The following STRAP variants were observed in gnomAD, a reference collection of about 807,000 sequenced individuals.
STRAP encodes serine-threonine kinase receptor-associated protein.
Under a neutral mutation model 47.0 loss-of-function variants are expected in STRAP, and 16 were observed. The ratio of observed to expected loss-of-function variants is 0.34; its 90% CI spans 0.23 to 0.52. The LOEUF (loss-of-function observed/expected upper bound fraction) is 0.52, where lower values mean the gene tolerates loss of function less well. Among genes scored for constraint, STRAP ranks in the 20% least tolerant of loss-of-function variants. STRAP has a pLI of 0.96. For missense variants in STRAP, 293 were observed against 420.0 expected (o/e 0.70, Z 2.64); for synonymous variants, 130 against 142.7 (o/e 0.91, Z 0.63).
chr12:15,883,058 T>C, intron 1 of STRAP: 7 of 1,535,574 alleles, frequency 4.6e-6, no homozygotes, highest in Non-Finnish European at 6.1e-6. Flanking sequence ...CTCTCCTTAT[T>C]TTATTTTTAT....
intron 1 of STRAP, chr12:15,883,138 G>T: frequency 4.6e-6 from 7 of 1,535,644 alleles, no homozygotes; most frequent in Non-Finnish European, 6.1e-6. Flanking sequence ...AGCTTTCAAG[G>T]ATTTGGGGAA....
At chr12:15,891,861 G>A (rs1167981073) in intron 4 of STRAP, among the ~76,000 whole-genome samples, 3 of 151,906 alleles carry the variant, frequency 2.0e-5, no homozygotes. Context: ...CAGGAGAATC[G>A]CTTGAACCCG....
Position 15,896,125 on chromosome 12 carries a change from T to C in STRAP, c.638+629T>C, listed in dbSNP as rs934660896. ...GGTGAGTACCTGTAATCCCAGCTAC[T>C]TGGGAGGCTGAGGCAGGAGAATTGC... On this transcript the variant is annotated intron_variant, in intron 6 of 9. Transcript: ENST00000419869. This position sits in a 1 kb window ranked among gnomAD's most constrained non-coding sequence, Gnocchi z 4.1. Among the ~76,000 whole-genome samples, 1 of 152,024 alleles carries C rather than the reference T, an allele frequency of 6.6e-6. No individual in the cohort carries two copies.
At chr12:15,893,154 TCTC>T (rs554031969) in intron 4 of STRAP, among the ~76,000 whole-genome samples, 60 of 152,246 alleles carry the variant, frequency 3.9e-4, no homozygotes, top group African/African-American at 1.3e-3. Context: ...GAAAGGATAA[TCTC>T]CTACAGATTT....
In STRAP at chr12:15,882,528, G is replaced by A. The variant is rs559723359; in HGVS notation, c.-180G>A. The A allele has an allele frequency of 3.5e-6, 2 of 579,522 alleles. No homozygotes were observed. The highest frequency in any genetic ancestry group is 6.2e-6 in the Non-Finnish European group (2 of 323,950). 35.9% of individuals were successfully genotyped at this position (579,522 alleles called of 1,614,324 possible). A position where few individuals can be genotyped will look rare whatever the true frequency, so the allele number is the denominator to read the frequency against. On this transcript the variant is annotated 5_prime_UTR_variant, in exon 1 of 10. Coordinates refer to ENST00000419869, the MANE Select transcript of STRAP (RefSeq NM_007178.4). ...GTTGCTTGCTGGTCGCAGACTCCCT[G>A]ACCCCTCCCTCACCCCTCCCTAACC...
chr12:15,894,437 C>T lies in STRAP; in HGVS notation c.500+294C>T, dbSNP rs1027738655. Among the ~76,000 whole-genome samples the T allele has an allele frequency of 6.6e-6, 1 of 152,106 alleles. No homozygotes were observed. On this transcript the variant is annotated intron_variant, in intron 5 of 9. Coordinates refer to ENST00000419869, the MANE Select transcript of STRAP (RefSeq NM_007178.4). The surrounding 1 kb of genome is among the most constrained non-coding windows in gnomAD (Gnocchi z 4.9). ...TCGTGCCATTGCACTCTAGCCTGGG[C>T]GACAGAGCTAGACTGTCTCAAAAGA...
Position 15,900,072 on chromosome 12 carries a change from A to G in STRAP, c.925+19A>G, listed in dbSNP as rs769503512. ...CTTCCTGGTAAGAATTTTTATTCAG[A>G]ATAATAAAATTTTTAAAATGCATGA... On this transcript the variant is annotated intron_variant, in intron 8 of 9. Coordinates refer to ENST00000419869, the MANE Select transcript of STRAP (RefSeq NM_007178.4). 6.3e-7 allele frequency: 1 copy of G among 1,590,388 alleles called. No homozygotes were observed. Among genetic ancestry groups the G allele is most frequent in the South Asian group, 1.2e-5 (1 of 85,490 alleles).
At position 15,894,768 on chromosome 12, in the gene STRAP, T is replaced by C. The variant is rs965986494; in HGVS notation, c.501-591T>C. Among the ~76,000 whole-genome samples, 4 of 152,210 alleles carry C rather than the reference T, an allele frequency of 2.6e-5. No homozygotes were observed. Among genetic ancestry groups the C allele is most frequent in the African/African-American group, 9.6e-5 (4 of 41,462 alleles). On this transcript the variant is annotated intron_variant, in intron 5 of 9. Coordinates refer to ENST00000419869, the MANE Select transcript of STRAP (RefSeq NM_007178.4). The surrounding 1 kb of genome is among the most constrained non-coding windows in gnomAD (Gnocchi z 4.9). ...AGTTGGTAAGTGTCTAATGCAAATA[T>C]TCCAAAATCCGAAAAAGTTTGAAAT...
chr12:15,902,026 G>C (rs1948108213), intron 9 of STRAP, among the ~76,000 whole-genome samples: 1 of 152,072 alleles, frequency 6.6e-6, no homozygotes, highest in African/African-American at 2.4e-5. Flanking sequence ...GCCCAGGCTG[G>C]AGTGCAGTGG....
chr12:15,891,431 C>G (rs1265848680), intron 4 of STRAP, among the ~76,000 whole-genome samples: 1 of 152,128 alleles, frequency 6.6e-6, no homozygotes, highest in African/African-American at 2.4e-5. Flanking sequence ...ACTAAATAGT[C>G]TATGAACTGT....
At position 15,882,419 on chromosome 12, in the gene STRAP, G is replaced by T. The variant is rs1041787656; in HGVS notation, c.-289G>T. Reference sequence around the variant, plus strand: ...ACTTCCTGCCGATGCCGGTGTGGACGCTGTGAATCGTGGCTGGCCCGGTTC... The same window carrying T: ...ACTTCCTGCCGATGCCGGTGTGGACTCTGTGAATCGTGGCTGGCCCGGTTC... On this transcript the variant is annotated 5_prime_UTR_variant, in exon 1 of 10. Transcript: ENST00000419869. 1.9e-5 allele frequency: 9 copies of T among 483,784 alleles called. No individual in the cohort carries two copies. The highest frequency in any genetic ancestry group is 3.6e-5 in the Admixed American group (1 of 27,910). The allele number at this position is 483,784 out of a possible 1,614,324, so 30.0% of individuals were successfully genotyped here.
At position 15,890,459 on chromosome 12, in the gene STRAP, T is replaced by C; in HGVS notation, c.331-138T>C. 1 of 727,610 alleles carries C rather than the reference T, an allele frequency of 1.4e-6. No homozygotes were observed. The highest frequency in any genetic ancestry group is 2.4e-6 in the Non-Finnish European group (1 of 422,928). The allele number at this position is 727,610 out of a possible 1,614,324, so 45.1% of individuals were successfully genotyped here. On this transcript the variant is annotated intron_variant, in intron 3 of 9. Transcript: ENST00000419869. The surrounding 1 kb of genome is among the most constrained non-coding windows in gnomAD (Gnocchi z 4.5). ...AGGTCAGCTGTTCCACAGTATCTTC[T>C]CAGAAGTAATTGGTTATGTCTTGGC...
intron 2 of STRAP, 139 bp downstream of exon 2, chr12:15,883,815 T>C (rs1453293771): frequency 8.3e-7 from 1 of 1,204,986 alleles, no homozygotes; most frequent in Non-Finnish European, 1.1e-6. Flanking sequence ...CCCACCAAAA[T>C]TCCATCGTGG....
At chr12:15,886,538 C>T (rs917499958) in intron 2 of STRAP, among the ~76,000 whole-genome samples, 1 of 152,022 alleles carries the variant, frequency 6.6e-6, no homozygotes, top group Non-Finnish European at 1.5e-5. Context: ...ACCATATATC[C>T]CTGAAGTCCA....
In STRAP at chr12:15,902,995, C is replaced by T; in HGVS notation, c.*17C>T. 7.8e-7 allele frequency: 1 copy of T among 1,283,160 alleles called. No homozygotes were observed. Among genetic ancestry groups the T allele is most frequent in the East Asian group, 3.1e-5 (1 of 31,982 alleles). The allele number at this position is 1,283,160 out of a possible 1,614,324, so 79.5% of individuals were successfully genotyped here. ...AAGGCCTGAGCGTCAATCATATGTG[C>T]AGTTAGTATACAACTGACTAAAACA... is the stretch of plus-strand genomic sequence containing the variant. On this transcript the variant is annotated 3_prime_UTR_variant, in exon 10 of 10. Coordinates refer to ENST00000419869, the MANE Select transcript of STRAP (RefSeq NM_007178.4).
Position 15,894,626 on chromosome 12 carries a change from C to T in STRAP, c.500+483C>T, listed in dbSNP as rs146005863. Among the ~76,000 whole-genome samples the T allele has an allele frequency of 1.0e-3, 153 of 152,246 alleles. No individual in the cohort carries two copies. Among genetic ancestry groups the T allele is most frequent in the African/African-American group, 3.7e-3 (153 of 41,548 alleles). Reference sequence around the variant, plus strand: ...CTAATACAGGTTGAGTATCCCTAACCTGAAAATCTGAAATTTGAAACGCTC... The same window carrying T: ...CTAATACAGGTTGAGTATCCCTAACTTGAAAATCTGAAATTTGAAACGCTC... On this transcript the variant is annotated intron_variant, in intron 5 of 9. Coordinates refer to ENST00000419869, the MANE Select transcript of STRAP (RefSeq NM_007178.4). This position sits in a 1 kb window ranked among gnomAD's most constrained non-coding sequence, Gnocchi z 4.9.
At chr12:15,891,932 CCTT>C (rs767038312) in intron 4 of STRAP, among the ~76,000 whole-genome samples, 2 of 150,098 alleles carry the variant, frequency 1.3e-5, no homozygotes, top group Non-Finnish European at 2.9e-5. Context: ...GAGCAAAACT[CCTT>C]CTCAAAAAGA....
chr12:15,887,894 A>G lies in STRAP; in HGVS notation c.249-2034A>G, dbSNP rs4424719. Among the ~76,000 whole-genome samples, 103,432 of 152,082 alleles carry G rather than the reference A, an allele frequency of 0.68. 39,438 individuals carry two copies. Among genetic ancestry groups the G allele is most frequent in the South Asian group, 0.87 (4,185 of 4,820 alleles). On this transcript the variant is annotated intron_variant, in intron 2 of 9. Transcript: ENST00000419869. This position sits in a 1 kb window ranked among gnomAD's most constrained non-coding sequence, Gnocchi z 5.5. ...ATTATTTAATAAACTTGAAATTAGCATATCAAAGGACATTGCCCGGGTTTC... is the reference window on the plus strand; with the variant it reads ...ATTATTTAATAAACTTGAAATTAGCGTATCAAAGGACATTGCCCGGGTTTC...
rs1010094181 is a variant in STRAP, at chr12:15,882,418, C to G, written c.-290C>G. Reference sequence around the variant, plus strand: ...CACTTCCTGCCGATGCCGGTGTGGACGCTGTGAATCGTGGCTGGCCCGGTT... The same window carrying G: ...CACTTCCTGCCGATGCCGGTGTGGAGGCTGTGAATCGTGGCTGGCCCGGTT... On this transcript the variant is annotated 5_prime_UTR_variant, in exon 1 of 10. Transcript: ENST00000419869. The G allele has an allele frequency of 4.1e-6, 2 of 483,832 alleles. No homozygotes were observed. Among genetic ancestry groups the G allele is most frequent in the South Asian group, 5.1e-5 (2 of 39,256 alleles). 30.0% of individuals were successfully genotyped at this position (483,832 alleles called of 1,614,324 possible). A position where few individuals can be genotyped will look rare whatever the true frequency, so the allele number is the denominator to read the frequency against.
Sources: allele counts gnomAD v4.1 joint callset (sites outside exome capture counted in the v4.1 genomes callset), GRCh38; gene constraint gnomAD v4.1.1; non-coding constraint Gnocchi (gnomAD v3.1); transcripts MANE v1.5; gene names NCBI Gene and HGNC (gene_info 2026-07-23, HGNC 2026-07-21).